DCSTAMP: variants seen among roughly 807,000 people sequenced by gnomAD.
The protein encoded by DCSTAMP is dendrocyte expressed seven transmembrane protein.
A neutral mutation model predicts 33.8 loss-of-function variants in DCSTAMP; 25 were observed. The ratio of observed to expected loss-of-function variants is 0.74; its 90% CI spans 0.54 to 1.03. The LOEUF is 1.03. Among genes scored for constraint, DCSTAMP ranks in the 50% least tolerant of loss-of-function variants. The pLI, the probability that DCSTAMP is intolerant of heterozygous loss-of-function variation, is 0.00. For missense variants in DCSTAMP, 531 were observed against 556.8 expected, an observed-to-expected ratio of 0.95 and a Z score of 0.47; for synonymous variants, 245 against 216.7, an observed-to-expected ratio of 1.13 and a Z score of -1.15.
chr8:104,341,402 C>T (rs531322632), intron 1 of DCSTAMP, among the ~76,000 whole-genome samples: 2 of 152,340 alleles, frequency 1.3e-5, no homozygotes, highest in East Asian at 3.9e-4. Context: ...GTCTCCTTCA[C>T]TCATCAAAAA....
intron 1 of DCSTAMP, among the ~76,000 whole-genome samples, chr8:104,343,845 A>G (rs1206825750): frequency 6.6e-6 from 1 of 152,214 alleles, no homozygotes; most frequent in Non-Finnish European, 1.5e-5. Flanking sequence ...AGGGGTCCTC[A>G]CCAGAACCCA....
chr8:104,348,548 G>A lies in DCSTAMP; in HGVS notation c.-5G>A, dbSNP rs769380817. 1.2e-6 allele frequency: 2 copies of A among 1,605,524 alleles called. No individual in the cohort carries two copies. Among genetic ancestry groups the A allele is most frequent in the South Asian group, 1.1e-5 (1 of 89,682 alleles). ...TTTCTTTTTCATTTTCAGGACGCAG[G>A]GAGCATGGGTATCTGGACCTCAGGC... On this transcript the variant is annotated 5_prime_UTR_variant, in exon 2 of 4. Transcript: ENST00000297581.
Position 104,355,174 on chromosome 8 carries a change from T to C in DCSTAMP, c.1327T>C (p.Tyr443His), listed in dbSNP as rs773014459. 6.2e-7 allele frequency: 1 copy of C among 1,612,690 alleles called. No homozygotes were observed. Among genetic ancestry groups the C allele is most frequent in the South Asian group, 1.1e-5 (1 of 90,916 alleles). Residue 443 changes from tyrosine to histidine, a missense_variant, in exon 3 of 4, where the codon TAT becomes CAT. Tyr to His is a moderately conservative substitution (Grantham distance 83, BLOSUM62 2). Transcript: ENST00000297581. ...LGEVKRRLSLYLTKIHFWLPV... is the reference protein window; with the variant it reads ...LGEVKRRLSLHLTKIHFWLPV... ...AGAAGTCAAAAGACGGCTGAGTCTC[T>C]ATCTTACAAAGGTAAGGCCAAGATG...
intron 1 of DCSTAMP, among the ~76,000 whole-genome samples, chr8:104,347,402 G>C (rs1370370576): frequency 6.6e-6 from 1 of 152,180 alleles, no homozygotes; most frequent in Non-Finnish European, 1.5e-5. Context: ...GTGCTTTCTG[G>C]TCTGTAAAAT....
At chr8:104,355,539 C>T (rs1810600189) in intron 3 of DCSTAMP, among the ~76,000 whole-genome samples, 1 of 152,092 alleles carries the variant, frequency 6.6e-6, no homozygotes. Context: ...AGGGAAATGT[C>T]TACTATAGCT....
Position 104,348,626 on chromosome 8 carries a change from G to C in DCSTAMP, c.74G>C (p.Gly25Ala), listed in dbSNP as rs1032464128. The change falls in exon 2 of 4, where the codon GGA becomes GCA. Residue 25 changes from glycine (G) to alanine (A), a missense_variant. Coordinates refer to ENST00000297581, the MANE Select transcript of DCSTAMP (RefSeq NM_030788.4). ...WEIYVSPRSP[G>A]WMDFIQHLGV... Reference sequence around the variant, plus strand: ...ATTTACGTGTCTCCAAGAAGCCCCGGATGGATGGACTTTATCCAGCATTTG... The same window carrying C: ...ATTTACGTGTCTCCAAGAAGCCCCGCATGGATGGACTTTATCCAGCATTTG... 30 of 1,614,188 alleles carry C rather than the reference G, an allele frequency of 1.9e-5. No homozygotes were observed. In the East Asian group the frequency reaches 6.7e-4, roughly 36 times the overall value.
chr8:104,348,081 C>G (rs535350810), intron 1 of DCSTAMP, among the ~76,000 whole-genome samples: 8 of 152,308 alleles, frequency 5.3e-5, no homozygotes, highest in Admixed American at 3.3e-4. Context: ...CAAGTTCTCC[C>G]CCAGTGCCTC....
Position 104,349,067 on chromosome 8 carries a change from C to A in DCSTAMP, c.515C>A (p.Ala172Glu). The change falls in exon 2 of 4, where the codon GCA (alanine) becomes GAA (glutamate). Residue 172 changes from alanine (A) to glutamate (E), a missense_variant. Transcript: ENST00000297581. Reference sequence around the variant, plus strand: ...CTTGTTTCTTGGAACCAGACCCTGGCAGTCTCTCTTTTCAGTCCCAGCCAT... The same window carrying A: ...CTTGTTTCTTGGAACCAGACCCTGGAAGTCTCTCTTTTCAGTCCCAGCCAT... ...DDLVSWNQTL[A>E]VSLFSPSHVL... 6.2e-7 allele frequency: 1 copy of A among 1,614,178 alleles called. No homozygotes were observed.
At chr8:104,353,476 T>G (rs753673154) in intron 2 of DCSTAMP, among the ~76,000 whole-genome samples, 1 of 152,218 alleles carries the variant, frequency 6.6e-6, no homozygotes, top group Non-Finnish European at 1.5e-5. Flanking sequence ...TATTGCAGGA[T>G]TTCTCATCAC....
At chr8:104,351,415 G>T (rs1449115355) in intron 2 of DCSTAMP, among the ~76,000 whole-genome samples, 2 of 152,226 alleles carry the variant, frequency 1.3e-5, no homozygotes, top group Non-Finnish European at 2.9e-5. Flanking sequence ...CTTAGCCTAG[G>T]AGGGTTCTTG....
In DCSTAMP at chr8:104,356,242, T is replaced by C. The variant is rs1422157880; in HGVS notation, c.*44T>C. On this transcript the variant is annotated 3_prime_UTR_variant, in exon 4 of 4. Transcript: ENST00000297581. The stretch of plus-strand genomic sequence containing the variant: ...CAGCCACATCGCACCAACAATTCTC[T>C]TCAGGTCTAGGATGGCAGTCACTAT... 2.6e-6 allele frequency: 4 copies of C among 1,532,558 alleles called. No homozygotes were observed. The Admixed American group carries it at 5.3e-5, about 20-fold the overall frequency. The allele number at this position is 1,532,558 out of a possible 1,614,324, so 94.9% of individuals were successfully genotyped here.
chr8:104,340,263 T>G (rs537692423), intron 1 of DCSTAMP: 2 of 152,298 alleles, frequency 1.3e-5, no homozygotes, highest in South Asian at 4.2e-4. Flanking sequence ...TAGCGTTCAT[T>G]AATCTTTCCT....
In DCSTAMP at chr8:104,348,998, A is replaced by G; in HGVS notation, c.446A>G (p.Gln149Arg). ...TTGAAAAAATATATTGAGGCAATTC[A>G]GTGGATTTATGGCCTTGCCACTCCA... Reference protein sequence around the residue: ...PLLKKYIEAIQWIYGLATPLS... With the variant: ...PLLKKYIEAIRWIYGLATPLS... The change falls in exon 2 of 4, where the codon CAG (glutamine) becomes CGG (arginine). Residue 149 changes from glutamine to arginine, a missense_variant. Physicochemically the swap from Gln to Arg is conservative, Grantham distance 43. Transcript: ENST00000297581. The G allele has an allele frequency of 6.2e-7, 1 of 1,614,242 alleles. No individual in the cohort carries two copies. The highest frequency in any genetic ancestry group is 8.5e-7 in the Non-Finnish European group (1 of 1,180,048).
intron 1 of DCSTAMP, among the ~76,000 whole-genome samples, 186 bp downstream of exon 1, chr8:104,340,048 C>A (rs1387108623): frequency 6.6e-6 from 1 of 152,116 alleles, no homozygotes; most frequent in Non-Finnish European, 1.5e-5. Flanking sequence ...TCAGGGAAAA[C>A]TGCAGCATGA....
intron 2 of DCSTAMP, 111 bp downstream of exon 2, chr8:104,349,692 T>C: frequency 8.0e-7 from 1 of 1,246,232 alleles, no homozygotes. Flanking sequence ...CTTTGCATCC[T>C]TGGTGCCCAG....
rs116034004 is a variant in DCSTAMP, at chr8:104,348,588, A to G, written c.36A>G (p.Leu12=). The G allele has an allele frequency of 2.2e-3, 3,525 of 1,614,112 alleles. 56 individuals carry two copies. The African/African-American group carries it at 0.04, about 18-fold the overall frequency. ...GGACCTCAGGCACTGATATCTTCCT[A>G]AGTCTTTGGGAGATTTACGTGTCTC... The part of the protein sequence containing the change: ...GIWTSGTDIF[L]SLWEIYVSPR... Residue 12 remains leucine, a synonymous_variant, in exon 2 of 4, where the codon CTA becomes CTG. Transcript: ENST00000297581.
chr8:104,354,322 A>C (rs1235230123), intron 2 of DCSTAMP, among the ~76,000 whole-genome samples: 1 of 152,164 alleles, frequency 6.6e-6, no homozygotes, highest in Non-Finnish European at 1.5e-5. Flanking sequence ...TAATGCCTCA[A>C]CATCTCTGTG....
intron 2 of DCSTAMP, among the ~76,000 whole-genome samples, chr8:104,351,514 A>G (rs1270032332): frequency 1.3e-5 from 2 of 152,242 alleles, no homozygotes; most frequent in African/African-American, 2.4e-5. Flanking sequence ...ACTGCTCCAT[A>G]GGCAGAGAAA....
In DCSTAMP at chr8:104,355,126, A is replaced by G. The variant is rs1453336731; in HGVS notation, c.1279A>G (p.Lys427Glu). 15 of 1,614,012 alleles carry G rather than the reference A, an allele frequency of 9.3e-6. No individual in the cohort carries two copies. The highest frequency in any genetic ancestry group is 1.7e-5 in the Admixed American group (1 of 59,994). The change falls in exon 3 of 4, where the codon AAA becomes GAA. Residue 427 changes from lysine (K) to glutamate (E), a missense_variant. Physicochemically the swap from Lys to Glu is moderately conservative, Grantham distance 56. Coordinates refer to ENST00000297581, the MANE Select transcript of DCSTAMP (RefSeq NM_030788.4). ...ATATCTGCATGCAAAGCTGCTTAAA[A>G]AAAGATCAAAGCAGCCGCTGGGAGA... The part of the protein sequence containing the change: ...IQYLHAKLLK[K>E]RSKQPLGEVK...
Sources: allele counts gnomAD v4.1 joint callset (sites outside exome capture counted in the v4.1 genomes callset), GRCh38; gene constraint gnomAD v4.1.1; transcripts MANE v1.5; gene names NCBI Gene and HGNC (gene_info 2026-07-23, HGNC 2026-07-21).